The following CEP44 variants were observed in gnomAD, a reference collection of about 807,000 sequenced individuals.
CEP44 encodes centrosomal protein 44.
In CEP44, 45 loss-of-function variants were observed where a neutral mutation model predicts 46.7. The ratio of observed to expected loss-of-function variants is 0.96; its 90% confidence interval spans 0.76 to 1.24. The LOEUF is 1.24. CEP44 is among the 50% of genes most tolerant of loss of function. The probability of loss-of-function intolerance (pLI) is 0.00; values close to 1 mark genes in which losing one functional copy is unlikely to be tolerated. For synonymous variants in CEP44, 142 were observed against 146.0 expected, an observed-to-expected ratio of 0.97 and a Z score of 0.20; for missense variants, 475 against 459.7, an observed-to-expected ratio of 1.03 and a Z score of -0.30.
In CEP44 at chr4:174,320,009, A is replaced by T. The variant is rs1030954796; in HGVS notation, c.*2626A>T. On this transcript the variant is annotated 3_prime_UTR_variant, in exon 12 of 12. Coordinates refer to ENST00000503780, the MANE Select transcript of CEP44 (RefSeq NM_001040157.3). Reference sequence around the variant, plus strand: ...TAAGTTAAGTAAAATTTTCACTTTCATTCTTTTCATTCTCTCATAAACTGG... The same window carrying T: ...TAAGTTAAGTAAAATTTTCACTTTCTTTCTTTTCATTCTCTCATAAACTGG... The T allele has an allele frequency of 9.1e-6, 9 of 985,176 alleles. No homozygotes were observed. The African/African-American group carries it at 1.2e-4, about 13-fold the overall frequency. The allele number at this position is 985,176 out of a possible 1,614,324, so 61.0% of individuals were successfully genotyped here. A position where few individuals can be genotyped will look rare whatever the true frequency, so the allele number is the denominator to read the frequency against.
chr4:174,313,262 T>C (rs970811643), intron 9 of CEP44, among the ~76,000 whole-genome samples: 1 of 152,060 alleles, frequency 6.6e-6, no homozygotes, highest in African/African-American at 2.4e-5. Context: ...AAATTATTTA[T>C]ATTCATTAGA....
Position 174,308,707 on chromosome 4 carries a change from C to T in CEP44, c.526C>T (p.Arg176Cys), listed in dbSNP as rs148258730. The T allele has an allele frequency of 5.5e-5, 88 of 1,604,792 alleles. No individual in the cohort carries two copies. Among genetic ancestry groups the T allele is most frequent in the East Asian group, 4.3e-4 (19 of 44,650 alleles). Reference protein sequence around the residue: ...TSGKKKAVVIRHLYNEDNVDI... With the variant: ...TSGKKKAVVICHLYNEDNVDI... Reference sequence around the variant, plus strand: ...TATGCAGAAGAAAGCTGTGGTGATTCGTCACTTGTATAATGAAGATAATGT... The same window carrying T: ...TATGCAGAAGAAAGCTGTGGTGATTTGTCACTTGTATAATGAAGATAATGT... Residue 176 changes from arginine to cysteine, a missense_variant, in exon 7 of 12, where the codon CGT becomes TGT. Physicochemically the swap from Arg to Cys is radical, Grantham distance 180. Transcript: ENST00000503780.
Position 174,310,885 on chromosome 4 carries a change from G to A in CEP44, c.961+27G>A. On this transcript the variant is annotated intron_variant, in intron 9 of 11. Coordinates refer to ENST00000503780, the MANE Select transcript of CEP44 (RefSeq NM_001040157.3). The surrounding 1 kb of genome is among the most constrained non-coding windows in gnomAD (Gnocchi z 4.2). The stretch of plus-strand genomic sequence containing the variant: ...TAAGTTTGTAAATACTATGAGAATT[G>A]GTATGATGAGTTTTCAGAAAAATGA... 2 of 994,444 alleles carry A rather than the reference G, an allele frequency of 2.0e-6. No individual in the cohort carries two copies. The highest frequency in any genetic ancestry group is 2.5e-5 in the East Asian group (1 of 40,440). 61.6% of individuals were successfully genotyped at this position (994,444 alleles called of 1,614,324 possible). A position where few individuals can be genotyped will look rare whatever the true frequency, so the allele number is the denominator to read the frequency against.
At chr4:174,321,665 G>A (rs1368184530), downstream of CEP44, among the ~76,000 whole-genome samples, 1 of 152,022 alleles carries the variant, frequency 6.6e-6, no homozygotes, top group Non-Finnish European at 1.5e-5. Flanking sequence ...ATGTCATAGG[G>A]TGACTTTTCT....
At chr4:174,316,128 G>A in intron 9 of CEP44, 38 bp from the exon 10 acceptor site, 1 of 1,597,926 alleles carries the variant, frequency 6.3e-7, no homozygotes, top group South Asian at 1.1e-5. Flanking sequence ...ACTCTTCTGT[G>A]AAAGGAAAAG....
chr4:174,291,414 CT>C (rs1301160348), intron 1 of CEP44, among the ~76,000 whole-genome samples: 4 of 152,292 alleles, frequency 2.6e-5, no homozygotes, highest in African/African-American at 9.6e-5. Flanking sequence ...CTTCTCCCCC[CT>C]CTTCCTCACC....
intron 9 of CEP44, among the ~76,000 whole-genome samples, chr4:174,315,766 G>A (rs1741609457): frequency 6.6e-6 from 1 of 150,960 alleles, no homozygotes; most frequent in South Asian, 2.1e-4. Flanking sequence ...GCGTGAACCC[G>A]GGAGGCGGAG....
rs773385453 is a variant in CEP44 at position 174,299,370 on chromosome 4, G to A, written c.89+160G>A. On this transcript the variant is annotated intron_variant, in intron 3 of 11. Transcript: ENST00000503780. The stretch of plus-strand genomic sequence containing the variant: ...TTTGAGAAAGCAGGGAATTATAGGA[G>A]TTTATTTCTAAGTATGAACTAATGA... 5.0e-4 allele frequency among the ~76,000 whole-genome samples: 76 copies of A among 152,130 alleles called. 1 individual carries two copies. Among genetic ancestry groups the A allele is most frequent in the Admixed American group, 2.1e-3 (32 of 15,266 alleles).
At chr4:174,300,717 A>AC (rs1489504416) in intron 3 of CEP44, among the ~76,000 whole-genome samples, 4 of 150,418 alleles carry the variant, frequency 2.7e-5, no homozygotes, top group Non-Finnish European at 5.9e-5. Flanking sequence ...CACACACAAC[A>AC]CCCCCATCAT....
intron 8 of CEP44, among the ~76,000 whole-genome samples, chr4:174,328,212 A>G (rs902902642): frequency 6.6e-6 from 1 of 152,312 alleles, no homozygotes; most frequent in East Asian, 1.9e-4. Context: ...ACCAAGAAGT[A>G]GGAAAAGGAG....
Position 174,319,746 on chromosome 4 carries a change from A to C in CEP44, c.*2363A>C. 2 of 915,358 alleles carry C rather than the reference A, an allele frequency of 2.2e-6. No individual in the cohort carries two copies. The highest frequency in any genetic ancestry group is 2.6e-6 in the Non-Finnish European group (2 of 765,536). The allele number at this position is 915,358 out of a possible 1,614,324, so 56.7% of individuals were successfully genotyped here. On this transcript the variant is annotated 3_prime_UTR_variant, in exon 12 of 12. Coordinates refer to ENST00000503780, the MANE Select transcript of CEP44 (RefSeq NM_001040157.3). ...CTAATAGGGACTAAAAATCAACTCA[A>C]TATATCATACATTTACACTTACAAA...
In CEP44 at chr4:174,309,995, C is replaced by T. The variant is rs1307559470; in HGVS notation, c.824C>T (p.Thr275Ile). ...GGAAAAGTGATGGTAGATGAAAACA[C>T]CTGGACTAATCTTCTTAGTCGTGTC... ...MKGKVMVDENTWTNLLSRVTL... is the reference protein window; with the variant it reads ...MKGKVMVDENIWTNLLSRVTL... The change falls in exon 8 of 12, where the codon ACC becomes ATC. Residue 275 changes from threonine to isoleucine, a missense_variant. Transcript: ENST00000503780. This position sits in a 1 kb window ranked among gnomAD's most constrained non-coding sequence, Gnocchi z 5.3. The T allele has an allele frequency of 6.2e-7, 1 of 1,612,738 alleles. No individual in the cohort carries two copies. Among genetic ancestry groups the T allele is most frequent in the South Asian group, 1.1e-5 (1 of 91,030 alleles).
In CEP44 at chr4:174,312,659, T is replaced by C. The variant is rs1250188516; in HGVS notation, c.961+1801T>C. 6.6e-6 allele frequency among the ~76,000 whole-genome samples: 1 copy of C among 152,174 alleles called. No individual in the cohort carries two copies. Among genetic ancestry groups the C allele is most frequent in the Non-Finnish European group, 1.5e-5 (1 of 68,036 alleles). On this transcript the variant is annotated intron_variant, in intron 9 of 11. Transcript: ENST00000503780. The surrounding 1 kb of genome is among the most constrained non-coding windows in gnomAD (Gnocchi z 4.5). ...GGACTGAAAGTAATTAACAGGCCTCTATCTGAAATGGATTACAGATTATGA... is the reference window on the plus strand; with the variant it reads ...GGACTGAAAGTAATTAACAGGCCTCCATCTGAAATGGATTACAGATTATGA...
chr4:174,314,416 T>C lies in CEP44; in HGVS notation c.962-1750T>C, dbSNP rs559305701. 2.6e-5 allele frequency among the ~76,000 whole-genome samples: 4 copies of C among 152,196 alleles called. No homozygotes were observed. The highest frequency in any genetic ancestry group is 5.9e-5 in the Non-Finnish European group (4 of 68,030). On this transcript the variant is annotated intron_variant, in intron 9 of 11. Coordinates refer to ENST00000503780, the MANE Select transcript of CEP44 (RefSeq NM_001040157.3). This position sits in a 1 kb window ranked among gnomAD's most constrained non-coding sequence, Gnocchi z 4.1. ...GCAGTTAACTGATCTGGCTATTAAA[T>C]ATAGCTGGTGTTCTGTAATGGTCCA...
Position 174,319,386 on chromosome 4 carries a change from A to G in CEP44, c.*2003A>G, listed in dbSNP as rs1742084972. On this transcript the variant is annotated 3_prime_UTR_variant, in exon 12 of 12. Transcript: ENST00000503780. ...ACCACCTTGTGGTTAACATGCCAGT[A>G]TTTTACCTTTTGTTAAAACAAGTGA... is the stretch of plus-strand genomic sequence containing the variant. The G allele has an allele frequency of 2.0e-6, 2 of 985,138 alleles. No individual in the cohort carries two copies. Among genetic ancestry groups the G allele is most frequent in the Non-Finnish European group, 2.4e-6 (2 of 829,676 alleles). The allele number at this position is 985,138 out of a possible 1,614,324, so 61.0% of individuals were successfully genotyped here.
intron 4 of CEP44, 60 bp downstream of exon 4, chr4:174,302,246 A>T: frequency 9.3e-7 from 1 of 1,079,778 alleles, no homozygotes; most frequent in Non-Finnish European, 1.4e-6. Flanking sequence ...AAAATTAATG[A>T]TTTAGTCATA....
intron 3 of CEP44, 152 bp downstream of exon 3, chr4:174,299,362 T>C (rs1739447966): frequency 3.5e-6 from 2 of 575,666 alleles, no homozygotes; most frequent in South Asian, 5.6e-5. Flanking sequence ...AAGCAGGGAA[T>C]TATAGGAGTT....
At chr4:174,330,517 A>C (rs915190874) in intron 8 of CEP44, among the ~76,000 whole-genome samples, 1 of 152,074 alleles carries the variant, frequency 6.6e-6, no homozygotes, top group Non-Finnish European at 1.5e-5. Context: ...TATGTGATAC[A>C]TGTAATTTTT....
Position 174,290,687 on chromosome 4 carries a change from A to G in CEP44, c.-148+6744A>G, listed in dbSNP as rs1738098067. ...GATATCTATTTCTTCCTCCAATTCT[A>G]TCAATATTTGCTGTTGGCATTCTGT... On this transcript the variant is annotated intron_variant, in intron 1 of 11. Transcript: ENST00000503780. The surrounding 1 kb of genome is among the most constrained non-coding windows in gnomAD (Gnocchi z 4.3). 1.3e-5 allele frequency among the ~76,000 whole-genome samples: 2 copies of G among 152,158 alleles called. No homozygotes were observed. The highest frequency in any genetic ancestry group is 2.4e-5 in the African/African-American group (1 of 41,516).
Sources: gnomAD v4.1 joint callset for allele counts (sites outside exome capture counted in the v4.1 genomes callset) on GRCh38, gnomAD v4.1.1 for gene constraint, Gnocchi (gnomAD v3.1) non-coding constraint, MANE v1.5 for transcripts, NCBI Gene and HGNC (gene_info 2026-07-23, HGNC 2026-07-21) for gene names.